The following KCTD2 variants were observed in gnomAD, a reference collection of about 807,000 sequenced individuals.
KCTD2 encodes the protein potassium channel tetramerization domain containing 2.
Under a neutral mutation model 27.9 loss-of-function variants are expected in KCTD2, and 18 were observed. That is an observed-to-expected ratio of 0.64 (90% CI 0.45 to 0.96). The LOEUF is 0.96. Among genes scored for constraint, KCTD2 ranks in the 40% least tolerant of loss-of-function variants. The probability of loss-of-function intolerance (pLI) is 0.00; values close to 1 mark genes in which losing one functional copy is unlikely to be tolerated. For missense variants in KCTD2, 280 were observed against 348.0 expected, an observed-to-expected ratio of 0.80 and a Z score of 1.56; for synonymous variants, 175 against 148.4, an observed-to-expected ratio of 1.18 and a Z score of -1.30.
rs544503108 is a variant in KCTD2 at position 75,059,923 on chromosome 17, A to C, written c.636+318A>C. 1.0e-3 allele frequency among the ~76,000 whole-genome samples: 154 copies of C among 152,304 alleles called. 1 individual carries two copies. The highest frequency in any genetic ancestry group is 3.4e-3 in the Middle Eastern group (1 of 294). ...CACAGGGATCGTAGAATGAGTCCCTAAAGGAGACTGGGATTCGACAACAAT... is the reference window on the plus strand; with the variant it reads ...CACAGGGATCGTAGAATGAGTCCCTCAAGGAGACTGGGATTCGACAACAAT... On this transcript the variant is annotated intron_variant, in intron 4 of 5. Coordinates refer to ENST00000322444, the MANE Select transcript of KCTD2 (RefSeq NM_015353.3).
At chr17:75,048,385 C>T (rs1024025697) in intron 1 of KCTD2, among the ~76,000 whole-genome samples, 1 of 152,148 alleles carries the variant, frequency 6.6e-6, no homozygotes, top group Non-Finnish European at 1.5e-5. Context: ...CTGACCATAA[C>T]TCACACCATC....
chr17:75,062,108 T>C lies in KCTD2; in HGVS notation c.637-12T>C, dbSNP rs1196297977. 6.2e-7 allele frequency: 1 copy of C among 1,613,926 alleles called. No homozygotes were observed. Among genetic ancestry groups the C allele is most frequent in the African/African-American group, 1.3e-5 (1 of 75,048 alleles). On this transcript the variant is annotated splice_polypyrimidine_tract_variant and intron_variant, in intron 4 of 5. Transcript: ENST00000322444. ...TGCCACATGAATGTTCACTGTATTC[T>C]TGGTTCATCAGCTCATCAGCATCGG...
At position 75,047,902 on chromosome 17, in the gene KCTD2, C is replaced by G. The variant is rs558787776; in HGVS notation, c.339+313C>G. On this transcript the variant is annotated intron_variant, in intron 1 of 5. Transcript: ENST00000322444. Reference sequence around the variant, plus strand: ...TCTCCATATTCTCTGCCCCTGACATCCCACTGAGATCTGCATGAGTTTTCC... The same window carrying G: ...TCTCCATATTCTCTGCCCCTGACATGCCACTGAGATCTGCATGAGTTTTCC... Among the ~76,000 whole-genome samples, 3 of 152,256 alleles carry G rather than the reference C, an allele frequency of 2.0e-5. No homozygotes were observed. In the South Asian group the frequency reaches 6.2e-4, roughly 32 times the overall value.
At chr17:75,051,550 C>T (rs1337976951) in intron 2 of KCTD2, among the ~76,000 whole-genome samples, 1 of 151,506 alleles carries the variant, frequency 6.6e-6, no homozygotes, top group African/African-American at 2.4e-5. Flanking sequence ...TCCCGAAATG[C>T]TGCGATTACA....
At chr17:75,062,911 G>A (rs1445161406) in intron 5 of KCTD2, 107 bp from the exon 6 acceptor site, 9 of 1,207,630 alleles carry the variant, frequency 7.5e-6, no homozygotes, top group Admixed American at 1.8e-5. Context: ...TTGCTTCCTG[G>A]GATGACAGGA....
At chr17:75,048,900 A>G (rs1426861465) in intron 1 of KCTD2, 4 of 204,640 alleles carry the variant, frequency 2.0e-5, no homozygotes, top group Non-Finnish European at 3.9e-5. Context: ...CAAACACGCT[A>G]CAGAAGAATG....
intron 2 of KCTD2, among the ~76,000 whole-genome samples, chr17:75,051,054 A>G (rs938816370): frequency 6.6e-6 from 1 of 150,704 alleles, no homozygotes; most frequent in African/African-American, 2.4e-5. Flanking sequence ...GCTCACTGCA[A>G]GCTCCACCTC....
chr17:75,060,439 T>C lies in KCTD2; in HGVS notation c.636+834T>C. On this transcript the variant is annotated intron_variant, in intron 4 of 5. Coordinates refer to ENST00000322444, the MANE Select transcript of KCTD2 (RefSeq NM_015353.3). ...CTTCAATTTCAAAAAGCCAAAAAAG[T>C]CCTCTAACATAAGCCTTCCAAGGTG... is the stretch of plus-strand genomic sequence containing the variant. 2.5e-6 allele frequency: 4 copies of C among 1,600,562 alleles called. No homozygotes were observed. The South Asian group carries it at 4.5e-5, about 18-fold the overall frequency.
rs1197634751 is a variant in KCTD2, at chr17:75,047,275, G to T, written c.25G>T (p.Ala9Ser). The T allele has an allele frequency of 1.8e-6, 2 of 1,088,408 alleles. No individual in the cohort carries two copies. The highest frequency in any genetic ancestry group is 1.2e-6 in the Non-Finnish European group (1 of 867,600). The allele number at this position is 1,088,408 out of a possible 1,614,324, so 67.4% of individuals were successfully genotyped here. Residue 9 changes from alanine (A) to serine (S), a missense_variant, in exon 1 of 6, where the codon GCG becomes TCG. Physicochemically the swap from Ala to Ser is moderately conservative, Grantham distance 99. Transcript: ENST00000322444. MAELQLDPAMAGLGGGGGS... is the reference protein window; with the variant it reads MAELQLDPSMAGLGGGGGS... ...GATGGCGGAACTGCAGCTGGACCCG[G>T]CGATGGCGGGGCTGGGAGGGGGCGG... is the stretch of plus-strand genomic sequence containing the variant.
upstream of KCTD2, among the ~76,000 whole-genome samples, chr17:75,045,672 G>C (rs976456326): frequency 6.6e-6 from 1 of 152,162 alleles, no homozygotes; most frequent in Non-Finnish European, 1.5e-5. Context: ...GTTCTCTCTT[G>C]TTCCCTGAAC....
chr17:75,047,893 C>T (rs1341600932), intron 1 of KCTD2, among the ~76,000 whole-genome samples: 3 of 152,172 alleles, frequency 2.0e-5, no homozygotes, highest in African/African-American at 7.2e-5. Flanking sequence ...TATTCTCTGC[C>T]CCTGACATCC....
At chr17:75,058,659 C>T (rs181575380) in intron 3 of KCTD2, among the ~76,000 whole-genome samples, 77 of 151,552 alleles carry the variant, frequency 5.1e-4, no homozygotes, top group Non-Finnish European at 8.8e-4. Context: ...ATTAGCCAGG[C>T]TTAGCGGCAG....
chr17:75,034,482 T>C (rs1166230037), intron 2 of KCTD2, among the ~76,000 whole-genome samples: 1 of 152,164 alleles, frequency 6.6e-6, no homozygotes, highest in Non-Finnish European at 1.5e-5. Context: ...GGCCAGTGCC[T>C]TATCCATTAG....
chr17:75,054,699 C>G (rs548174925), intron 3 of KCTD2, among the ~76,000 whole-genome samples: 4 of 151,670 alleles, frequency 2.6e-5, no homozygotes, highest in African/African-American at 9.7e-5. Flanking sequence ...CCCAGCTGCT[C>G]GGGAGGCTGA....
At chr17:75,055,897 A>G (rs1236433553) in intron 3 of KCTD2, among the ~76,000 whole-genome samples, 1 of 148,728 alleles carries the variant, frequency 6.7e-6, no homozygotes, top group Non-Finnish European at 1.5e-5. Context: ...TGAGTGTGGT[A>G]GCGGGCGCCT....
chr17:75,059,950 C>T (rs996593331), intron 4 of KCTD2, among the ~76,000 whole-genome samples: 1 of 152,184 alleles, frequency 6.6e-6, no homozygotes, highest in African/African-American at 2.4e-5. Context: ...GACAACAATC[C>T]TTCCATTTCT....
At chr17:75,046,200 A>T (rs1259529090), upstream of KCTD2, among the ~76,000 whole-genome samples, 3 of 152,116 alleles carry the variant, frequency 2.0e-5, no homozygotes, top group African/African-American at 7.2e-5. Context: ...CTCCTGCCTC[A>T]GCCTCCCGAG....
rs1221968880 is a variant in KCTD2, at chr17:75,032,740, G to C, written c.-470+16G>C. ...GCTGAGCAAGGCAAGGCTGAGCCCC[G>C]GGCGGGCGGGTTGGGGGAACATGCC... On this transcript the variant is annotated intron_variant, in intron 1 of 7. Coordinates refer to the KCTD2 transcript ENST00000581589. This position sits in a 1 kb window ranked among gnomAD's most constrained non-coding sequence, Gnocchi z 4.8. 6.6e-6 allele frequency: 1 copy of C among 152,176 alleles called. No homozygotes were observed. The highest frequency in any genetic ancestry group is 1.5e-5 in the Non-Finnish European group (1 of 68,124). 9.4% of individuals were successfully genotyped at this position (152,176 alleles called of 1,614,324 possible).
At chr17:75,042,040 CA>C in intron 3 of KCTD2, 1 of 671,822 alleles carries the variant, frequency 1.5e-6, no homozygotes, top group Non-Finnish European at 2.5e-6. Context: ...TTCAATCGAC[CA>C]CAAGGCCTTT....
Sources: allele counts gnomAD v4.1 joint callset (sites outside exome capture counted in the v4.1 genomes callset), GRCh38; gene constraint gnomAD v4.1.1; non-coding constraint Gnocchi (gnomAD v3.1); transcripts MANE v1.5; gene names NCBI Gene and HGNC (gene_info 2026-07-23, HGNC 2026-07-21).